Variants in ASIC2 observed in about 807,000 individuals in gnomAD.
ASIC2 encodes acid-sensing ion channel 2.
Under a neutral mutation model 57.3 loss-of-function variants are expected in ASIC2, and 25 were observed. The ratio of observed to expected loss-of-function variants is 0.44; its 90% CI spans 0.32 to 0.61. The LOEUF (loss-of-function observed/expected upper bound fraction) is 0.61. Ranked by LOEUF, ASIC2 falls within the 20% of genes least tolerant of loss-of-function variation. ASIC2 has a pLI of 0.06. For missense variants in ASIC2, 641 were observed against 738.1 expected, an observed-to-expected ratio of 0.87 and a Z score of 1.52; for synonymous variants, 319 against 307.5, an observed-to-expected ratio of 1.04 and a Z score of -0.39.
At chr17:33,882,558 G>A (rs1399504325) in intron 1 of ASIC2, among the ~76,000 whole-genome samples, 1 of 152,218 alleles carries the variant, frequency 6.6e-6, no homozygotes, top group African/African-American at 2.4e-5. Context: ...AAACCCCAAT[G>A]AGATACCATC....
At chr17:33,532,893 C>T (rs1210684871) in intron 1 of ASIC2, among the ~76,000 whole-genome samples, 3 of 152,198 alleles carry the variant, frequency 2.0e-5, no homozygotes, top group Non-Finnish European at 2.9e-5. Context: ...TTGGCTGGGG[C>T]TCTCCTGTGC....
chr17:33,168,514 C>T (rs1405717364), intron 1 of ASIC2, among the ~76,000 whole-genome samples: 1 of 152,094 alleles, frequency 6.6e-6, no homozygotes, highest in Non-Finnish European at 1.5e-5. Context: ...TGATAAAAGG[C>T]ATTATGATGA....
rs116402313 is a variant in ASIC2 at position 33,250,322 on chromosome 17, C to T, written c.708+41086G>A. 5.7e-3 allele frequency among the ~76,000 whole-genome samples: 867 copies of T among 152,274 alleles called. 9 individuals are homozygous for T. Among genetic ancestry groups the T allele is most frequent in the African/African-American group, 0.02 (812 of 41,570 alleles). ...GGAGCTGGGGTGTGGGTGGCCAGCCCGTGGCCCTGGAGGCCACAGCCGGGA... is the reference window on the plus strand; with the variant it reads ...GGAGCTGGGGTGTGGGTGGCCAGCCTGTGGCCCTGGAGGCCACAGCCGGGA... On this transcript the variant is annotated intron_variant, in intron 1 of 9. Transcript: ENST00000225823.
intron 1 of ASIC2, among the ~76,000 whole-genome samples, chr17:33,225,240 G>A (rs1324375484): frequency 6.6e-6 from 1 of 152,196 alleles, no homozygotes; most frequent in Non-Finnish European, 1.5e-5. Flanking sequence ...AACAATCCAC[G>A]AGTGCATCAA....
At chr17:33,218,064 C>G (rs1907560505) in intron 1 of ASIC2, among the ~76,000 whole-genome samples, 1 of 152,228 alleles carries the variant, frequency 6.6e-6, no homozygotes, top group South Asian at 2.1e-4. Flanking sequence ...CCCGTAATGG[C>G]AAAGACAAAG....
intron 1 of ASIC2, among the ~76,000 whole-genome samples, chr17:34,072,660 C>T (rs968058384): frequency 6.6e-6 from 1 of 152,192 alleles, no homozygotes; most frequent in Non-Finnish European, 1.5e-5. Context: ...AATTCCTCTG[C>T]ATATTATTTT....
intron 7 of ASIC2, among the ~76,000 whole-genome samples, chr17:33,018,361 C>A (rs943832423): frequency 4.6e-5 from 7 of 152,318 alleles, no homozygotes; most frequent in Non-Finnish European, 7.3e-5. Flanking sequence ...AGAATCAGAG[C>A]CTCTGCGGTT....
At chr17:33,656,681 G>T (rs1907087587) in intron 1 of ASIC2, among the ~76,000 whole-genome samples, 1 of 152,150 alleles carries the variant, frequency 6.6e-6, no homozygotes, top group Non-Finnish European at 1.5e-5. Flanking sequence ...CTCCAAGCCT[G>T]TGTCTTGTGT....
At chr17:33,302,490 T>C (rs1473377724) in intron 1 of ASIC2, among the ~76,000 whole-genome samples, 1 of 152,186 alleles carries the variant, frequency 6.6e-6, no homozygotes, top group Non-Finnish European at 1.5e-5. Context: ...CTGTCTTGCA[T>C]ACAGGCCCTC....
chr17:33,446,316 C>A (rs949472326), intron 1 of ASIC2, among the ~76,000 whole-genome samples: 2 of 152,024 alleles, frequency 1.3e-5, no homozygotes, highest in Non-Finnish European at 2.9e-5. Flanking sequence ...GTTACAATAG[C>A]AGGGATAATT....
chr17:33,438,608 T>A (rs1597728014), intron 1 of ASIC2, among the ~76,000 whole-genome samples: 1 of 152,220 alleles, frequency 6.6e-6, no homozygotes, highest in Non-Finnish European at 1.5e-5. Flanking sequence ...AAGCAGTTTT[T>A]GATACCTTGG....
intron 1 of ASIC2, among the ~76,000 whole-genome samples, chr17:33,460,966 C>T (rs537260211): frequency 6.6e-6 from 1 of 152,310 alleles, no homozygotes; most frequent in Admixed American, 6.5e-5. Flanking sequence ...ATTTCATTGC[C>T]CAGAGCTTTT....
At chr17:33,015,395 G>A (rs8066566) in intron 9 of ASIC2, among the ~76,000 whole-genome samples, 33,140 of 152,110 alleles carry the variant, frequency 0.22, 4,302 homozygotes, top group East Asian at 0.4. Context: ...GCAGTGGTTA[G>A]AAGTGCTTGG....
At chr17:33,847,081 A>C (rs941839922) in intron 1 of ASIC2, among the ~76,000 whole-genome samples, 33 of 151,654 alleles carry the variant, frequency 2.2e-4, no homozygotes, top group African/African-American at 7.8e-4. Context: ...ATCTAAACCC[A>C]GGCACCTAAA....
At chr17:34,102,791 C>T (rs948541153) in intron 1 of ASIC2, among the ~76,000 whole-genome samples, 22 of 152,120 alleles carry the variant, frequency 1.4e-4, no homozygotes, top group African/African-American at 2.9e-4. Flanking sequence ...CATTTTCATA[C>T]GGTACTTTTT....
intron 1 of ASIC2, among the ~76,000 whole-genome samples, chr17:33,368,183 A>G (rs899397800): frequency 2.2e-4 from 33 of 152,206 alleles, no homozygotes; most frequent in African/African-American, 8.0e-4. Context: ...GTACTGTATG[A>G]CTTCTGAGTC....
chr17:34,036,441 G>A (rs1446605144), intron 1 of ASIC2, among the ~76,000 whole-genome samples: 2 of 151,116 alleles, frequency 1.3e-5, no homozygotes, highest in African/African-American at 2.4e-5. Context: ...GTTAATGGGT[G>A]CAGCACACCA....
At chr17:33,409,191 G>A (rs922528884) in intron 1 of ASIC2, among the ~76,000 whole-genome samples, 4 of 152,096 alleles carry the variant, frequency 2.6e-5, no homozygotes, top group Non-Finnish European at 5.9e-5. Flanking sequence ...CTCCAGCCTG[G>A]GTGACAGAGT....
chr17:33,259,003 TG>T (rs1909183012), intron 1 of ASIC2, among the ~76,000 whole-genome samples: 1 of 152,116 alleles, frequency 6.6e-6, no homozygotes, highest in South Asian at 2.1e-4. Context: ...AGGGTGTGTG[TG>T]GGGTGAGGAG....
Sources: allele counts gnomAD v4.1 joint callset (sites outside exome capture counted in the v4.1 genomes callset), GRCh38; gene constraint gnomAD v4.1.1; transcripts MANE v1.5; gene names NCBI Gene and HGNC (gene_info 2026-07-23, HGNC 2026-07-21).